ACTL6A: variants seen among roughly 807,000 people sequenced by gnomAD.
The protein encoded by ACTL6A is actin like 6A.
ACTL6A carries 5 observed loss-of-function variants against 59.2 expected under a neutral mutation model. That is an observed-to-expected ratio of 0.08 (90% CI 0.04 to 0.18). ACTL6A has a LOEUF of 0.18. Ranked by LOEUF, ACTL6A falls within the 10% of genes least tolerant of loss-of-function variation. The pLI is 1.00. For missense variants in ACTL6A, 285 were observed against 526.9 expected (o/e 0.54, Z 4.49); for synonymous variants, 154 against 171.8 (o/e 0.90, Z 0.81).
chr3:179,573,521 T>TTTTTTTTTTTTTC, intron 4 of ACTL6A, 52 bp downstream of exon 4: 3 of 360,080 alleles, frequency 8.3e-6, no homozygotes, highest in East Asian at 6.8e-5. Flanking sequence ...TTTTTTTTTC[T>TTTTTTTTTTTTTC]TTTTTTTTTC....
chr3:179,586,557 G>A lies in ACTL6A; in HGVS notation c.1134G>A (p.Leu378=), dbSNP rs1718497500. 6.3e-7 allele frequency: 1 copy of A among 1,583,622 alleles called. No homozygotes were observed. Among genetic ancestry groups the A allele is most frequent in the African/African-American group, 1.4e-5 (1 of 72,848 alleles). Residue 378 remains leucine, a synonymous_variant, in exon 13 of 14, where the codon TTG becomes TTA. Transcript: ENST00000429709. ...LSQKTPPSMR[L]KLIANNTTVE... ...TTCTTCTATTTCAGAGTATGCGGTT[G>A]AAATTGATTGCAAATAATACAACAG... is the stretch of plus-strand genomic sequence containing the variant.
intron 1 of ACTL6A, among the ~76,000 whole-genome samples, chr3:179,567,375 AAAAT>A (rs765379179): frequency 2.0e-5 from 3 of 152,180 alleles, no homozygotes; most frequent in Admixed American, 6.5e-5. Context: ...TCAAAACATA[AAAAT>A]AAATAAATAA....
At chr3:179,583,309 G>T in intron 11 of ACTL6A, 44 bp from the exon 12 acceptor site, 1 of 1,469,254 alleles carries the variant, frequency 6.8e-7, no homozygotes, top group South Asian at 1.2e-5. Context: ...AAAACTTTTG[G>T]AAACATATGG....
chr3:179,579,616 C>T (rs988566819), intron 8 of ACTL6A, among the ~76,000 whole-genome samples: 1 of 152,048 alleles, frequency 6.6e-6, no homozygotes, highest in Non-Finnish European at 1.5e-5. Context: ...GGTGAGACCC[C>T]ATCTCTACTA....
chr3:179,577,844 T>G (rs1718216114), intron 8 of ACTL6A, among the ~76,000 whole-genome samples: 1 of 152,044 alleles, frequency 6.6e-6, no homozygotes, highest in Admixed American at 6.6e-5. Flanking sequence ...CTACATAATA[T>G]TCTGTGGTCT....
chr3:179,571,681 C>T (rs570681565), intron 3 of ACTL6A, among the ~76,000 whole-genome samples: 7 of 152,288 alleles, frequency 4.6e-5, no homozygotes, highest in African/African-American at 1.7e-4. Flanking sequence ...CCTCCAGCAA[C>T]AAGTTATGAT....
intron 5 of ACTL6A, chr3:179,575,305 A>G (rs1341345793): frequency 6.7e-6 from 3 of 446,964 alleles, no homozygotes; most frequent in Non-Finnish European, 1.4e-5. Context: ...TCTTGCCCAT[A>G]TTCCCTTCCC....
At chr3:179,566,641 C>T (rs1210068367) in intron 1 of ACTL6A, among the ~76,000 whole-genome samples, 3 of 152,074 alleles carry the variant, frequency 2.0e-5, no homozygotes, top group African/African-American at 4.8e-5. Context: ...TTCACATGGC[C>T]GTCCCTCTGT....
At chr3:179,565,156 A>G (rs551905926) in intron 1 of ACTL6A, among the ~76,000 whole-genome samples, 1 of 152,270 alleles carries the variant, frequency 6.6e-6, no homozygotes, top group East Asian at 1.9e-4. Context: ...TGATAACAAT[A>G]TGTAGAAGGG....
At chr3:179,579,105 T>C (rs76519651) in intron 8 of ACTL6A, among the ~76,000 whole-genome samples, 5 of 152,186 alleles carry the variant, frequency 3.3e-5, no homozygotes. Flanking sequence ...TGGTGTATCA[T>C]TGGGGTTTTG....
intron 1 of ACTL6A, among the ~76,000 whole-genome samples, chr3:179,565,859 C>T (rs1170034559): frequency 6.6e-6 from 1 of 152,032 alleles, no homozygotes; most frequent in Non-Finnish European, 1.5e-5. Context: ...ATGACAGTTA[C>T]AGTATTGAAA....
chr3:179,584,592 A>G (rs929712693), intron 12 of ACTL6A, among the ~76,000 whole-genome samples: 3 of 149,046 alleles, frequency 2.0e-5, no homozygotes, highest in Non-Finnish European at 4.5e-5. Flanking sequence ...CTGCATTCCA[A>G]CAGAGCAAGA....
chr3:179,587,430 CAGA>C (rs761572357), intron 13 of ACTL6A, among the ~76,000 whole-genome samples: 2 of 152,202 alleles, frequency 1.3e-5, no homozygotes, highest in Non-Finnish European at 2.9e-5. Flanking sequence ...GTAACAGATA[CAGA>C]AGGACTTAGT....
Position 179,570,171 on chromosome 3 carries a change from C to T in ACTL6A, c.207C>T (p.Tyr69=), listed in dbSNP as rs1023172629. Residue 69 remains tyrosine, a synonymous_variant, in exon 3 of 14, where the codon TAC becomes TAT. Coordinates refer to ENST00000429709, the MANE Select transcript of ACTL6A (RefSeq NM_004301.5). The surrounding 1 kb of genome is among the most constrained non-coding windows in gnomAD (Gnocchi z 4.3). Reference sequence around the variant, plus strand: ...GCAAACAAGGCGGTCCCACCTACTACATAGATACTAATGCTCTGCGTGTTC... The same window carrying T: ...GCAAACAAGGCGGTCCCACCTACTATATAGATACTAATGCTCTGCGTGTTC... ...DKGKQGGPTY[Y]IDTNALRVPR... is the part of the protein sequence containing the mutation. The T allele has an allele frequency of 2.5e-6, 4 of 1,614,008 alleles. No individual in the cohort carries two copies. The highest frequency in any genetic ancestry group is 3.4e-6 in the Non-Finnish European group (4 of 1,180,006).
intron 1 of ACTL6A, among the ~76,000 whole-genome samples, chr3:179,566,318 G>C (rs1717833350): frequency 6.6e-6 from 1 of 152,198 alleles, no homozygotes; most frequent in South Asian, 2.1e-4. Context: ...TATTACCCAG[G>C]AAAGGGTAAA....
chr3:179,574,543 CAT>C (rs1718109079), intron 5 of ACTL6A, 76 bp downstream of exon 5: 1 of 1,039,670 alleles, frequency 9.6e-7, no homozygotes, highest in Admixed American at 1.9e-5. Context: ...TGGGAGAAGA[CAT>C]ACGCCAATTA....
intron 5 of ACTL6A, among the ~76,000 whole-genome samples, chr3:179,575,987 C>A (rs898261951): frequency 6.6e-6 from 1 of 152,194 alleles, no homozygotes; most frequent in Non-Finnish European, 1.5e-5. Flanking sequence ...ATAAAGGTTT[C>A]CCTGAGTGCC....
At chr3:179,581,858 G>A (rs1344587636) in intron 11 of ACTL6A, among the ~76,000 whole-genome samples, 1 of 152,142 alleles carries the variant, frequency 6.6e-6, no homozygotes, top group Non-Finnish European at 1.5e-5. Flanking sequence ...GAAGGACATT[G>A]TTTCAGGAAA....
chr3:179,575,013 T>G (rs1718124014), intron 5 of ACTL6A: 1 of 188,110 alleles, frequency 5.3e-6, no homozygotes, highest in South Asian at 9.7e-5. Context: ...TTTTATTTAT[T>G]TATTTATTTG....
Sources: allele counts gnomAD v4.1 joint callset (sites outside exome capture counted in the v4.1 genomes callset), GRCh38; gene constraint gnomAD v4.1.1; non-coding constraint Gnocchi (gnomAD v3.1); transcripts MANE v1.5; gene names NCBI Gene and HGNC (gene_info 2026-07-23, HGNC 2026-07-21).